EXOC4: variants seen among roughly 807,000 people sequenced by gnomAD.
EXOC4 encodes the protein SEC8-like 1.
EXOC4 carries 71 observed loss-of-function variants against 107.2 expected under a neutral mutation model. The observed-to-expected ratio is 0.66, with a 90% CI of 0.55 to 0.81. The LOEUF (loss-of-function observed/expected upper bound fraction) is 0.81, where lower values mean the gene tolerates loss of function less well. EXOC4 is among the 30% of genes least tolerant of loss of function. The pLI, the probability that EXOC4 is intolerant of heterozygous loss-of-function variation, is 0.00. For missense variants in EXOC4, 1,108 were observed against 1,189.6 expected (o/e 0.93, Z 1.01); for synonymous variants, 456 against 441.2 (o/e 1.03, Z -0.42).
chr7:133,741,174 C>T (rs1270857878), intron 10 of EXOC4, among the ~76,000 whole-genome samples: 1 of 152,098 alleles, frequency 6.6e-6, no homozygotes, highest in Non-Finnish European at 1.5e-5. Context: ...TCTTTCTTTA[C>T]TCTTCACTTT....
At chr7:133,765,655 C>T (rs528322298) in intron 10 of EXOC4, among the ~76,000 whole-genome samples, 1 of 152,036 alleles carries the variant, frequency 6.6e-6, no homozygotes, top group African/African-American at 2.4e-5. Flanking sequence ...TTAGAAATGA[C>T]CTAATTAAGT....
chr7:134,080,838 T>G, the EXOC4 span, among the ~76,000 whole-genome samples: 1 of 151,938 alleles, frequency 6.6e-6, no homozygotes, highest in Non-Finnish European at 1.5e-5. Flanking sequence ...CTCAGCTACT[T>G]GGGAAGCTGA....
intron 10 of EXOC4, among the ~76,000 whole-genome samples, chr7:133,643,732 A>G (rs1293890179): frequency 1.3e-5 from 2 of 152,240 alleles, no homozygotes; most frequent in Non-Finnish European, 2.9e-5. Context: ...CTTATGTCAC[A>G]TGATGAAGGA....
chr7:133,430,240 C>G (rs187888137), intron 7 of EXOC4, among the ~76,000 whole-genome samples: 2 of 152,350 alleles, frequency 1.3e-5, no homozygotes, highest in Non-Finnish European at 2.9e-5. Context: ...TGCTTCTTCT[C>G]TTTTCTCCTT....
intron 10 of EXOC4, among the ~76,000 whole-genome samples, chr7:133,795,326 G>A (rs1476423739): frequency 6.6e-6 from 1 of 152,184 alleles, no homozygotes; most frequent in African/African-American, 2.4e-5. Context: ...TTGACCCTCT[G>A]TTCCCTGCAG....
chr7:133,538,853 A>G (rs867833951), intron 9 of EXOC4, among the ~76,000 whole-genome samples: 2 of 52,854 alleles, frequency 3.8e-5, no homozygotes, highest in East Asian at 9.3e-4. Flanking sequence ...GAAAGAAAGA[A>G]AGAAAGAGAG....
intron 7 of EXOC4, among the ~76,000 whole-genome samples, chr7:133,461,124 A>G (rs1182142160): frequency 1.3e-5 from 2 of 152,192 alleles, no homozygotes; most frequent in Non-Finnish European, 2.9e-5. Flanking sequence ...ATCATTTTAG[A>G]TAGGGATAAT....
intron 9 of EXOC4, among the ~76,000 whole-genome samples, chr7:133,598,231 A>G (rs543271445): frequency 6.6e-6 from 1 of 152,276 alleles, no homozygotes; most frequent in South Asian, 2.1e-4. Context: ...ATCAGGGGAG[A>G]ATAATTATTG....
At chr7:133,269,456 A>G (rs1562995555) in intron 1 of EXOC4, among the ~76,000 whole-genome samples, 1 of 152,218 alleles carries the variant, frequency 6.6e-6, no homozygotes, top group Non-Finnish European at 1.5e-5. Flanking sequence ...TTATTATACT[A>G]GACTGCTTTG....
chr7:133,542,853 A>G (rs150911198), intron 9 of EXOC4, among the ~76,000 whole-genome samples: 46 of 152,236 alleles, frequency 3.0e-4, no homozygotes, highest in African/African-American at 1.1e-3. Context: ...TTTTTCTTCT[A>G]TGTATTCAGA....
At chr7:133,516,096 G>A (rs1309388112) in intron 9 of EXOC4, among the ~76,000 whole-genome samples, 1 of 152,146 alleles carries the variant, frequency 6.6e-6, no homozygotes, top group Middle Eastern at 3.2e-3. Context: ...AGTCTCTAAG[G>A]TGGATAATAT....
At chr7:133,607,363 G>A (rs1017032548) in intron 9 of EXOC4, among the ~76,000 whole-genome samples, 2 of 152,202 alleles carry the variant, frequency 1.3e-5, no homozygotes, top group Non-Finnish European at 2.9e-5. Flanking sequence ...GAGGCAGATG[G>A]AATGTGAACA....
intron 9 of EXOC4, among the ~76,000 whole-genome samples, chr7:133,579,910 T>C (rs1801214822): frequency 6.6e-6 from 1 of 152,114 alleles, no homozygotes; most frequent in African/African-American, 2.4e-5. Context: ...ATGGCCAGGA[T>C]GGTCTTGATC....
intron 11 of EXOC4, among the ~76,000 whole-genome samples, chr7:133,835,390 T>C (rs555240161): frequency 3.2e-4 from 48 of 152,320 alleles, no homozygotes; most frequent in African/African-American, 1.1e-3. Flanking sequence ...ATGTAAGATG[T>C]ACATTGGTTT....
At chr7:133,949,454 A>C (rs1467959269) in intron 14 of EXOC4, among the ~76,000 whole-genome samples, 5 of 152,212 alleles carry the variant, frequency 3.3e-5, no homozygotes, top group Non-Finnish European at 5.9e-5. Context: ...AGACTGATGA[A>C]AAACCTAAGT....
chr7:133,922,667 G>A (rs189612951), intron 13 of EXOC4, among the ~76,000 whole-genome samples: 2 of 152,188 alleles, frequency 1.3e-5, no homozygotes, highest in Admixed American at 1.3e-4. Context: ...CTAACACGGT[G>A]AAACCCCGTC....
At chr7:133,395,109 CTTT>C (rs200545904) in intron 7 of EXOC4, among the ~76,000 whole-genome samples, 12 of 130,862 alleles carry the variant, frequency 9.2e-5, no homozygotes, top group Admixed American at 1.5e-4. Context: ...ATACTTTTGC[CTTT>C]TTTTTTTTTT....
At chr7:133,650,841 T>G (rs551553488) in intron 10 of EXOC4, among the ~76,000 whole-genome samples, 1 of 151,854 alleles carries the variant, frequency 6.6e-6, no homozygotes, top group South Asian at 2.1e-4. Context: ...CCAGGAGACA[T>G]ATTCCTATTT....
chr7:133,342,284 T>C (rs1225510646), intron 5 of EXOC4, among the ~76,000 whole-genome samples: 1 of 152,222 alleles, frequency 6.6e-6, no homozygotes, highest in Non-Finnish European at 1.5e-5. Context: ...GTATCTTTCC[T>C]TCATTTATGA....
Sources: allele counts gnomAD v4.1 joint callset (sites outside exome capture counted in the v4.1 genomes callset), GRCh38; gene constraint gnomAD v4.1.1; transcripts MANE v1.5; gene names NCBI Gene and HGNC (gene_info 2026-07-23, HGNC 2026-07-21).